Variants in NALF1 observed in about 807,000 individuals in gnomAD.
NALF1 encodes the protein NALCN channel auxiliary factor 1, also known as family with sequence similarity 155 member A.
In NALF1, 3 loss-of-function variants were observed where a neutral mutation model predicts 48.4. The observed-to-expected ratio is 0.06, with a 90% CI of 0.03 to 0.16. NALF1 has a LOEUF of 0.16. NALF1 is among the 10% of genes least tolerant of loss of function. The pLI, the probability that NALF1 is intolerant of heterozygous loss-of-function variation, is 1.00. For synonymous variants in NALF1, 262 were observed against 245.7 expected (o/e 1.07, Z -0.62); for missense variants, 526 against 571.5 (o/e 0.92, Z 0.81).
chr13:107,466,742 A>C (rs1190365373), intron 1 of NALF1: 4 of 152,252 alleles, frequency 2.6e-5, no homozygotes, highest in Non-Finnish European at 5.9e-5. Flanking sequence ...TTCTTGAAAT[A>C]AAAAGAAATT....
At chr13:107,570,664 G>C (rs1003316652) in intron 1 of NALF1, among the ~76,000 whole-genome samples, 1 of 151,268 alleles carries the variant, frequency 6.6e-6, no homozygotes, top group African/African-American at 2.4e-5. Context: ...GTGCCATGCT[G>C]GGGAACATAT....
At chr13:107,825,422 A>G (rs550333754) in intron 1 of NALF1, among the ~76,000 whole-genome samples, 16 of 152,338 alleles carry the variant, frequency 1.1e-4, no homozygotes, top group African/African-American at 3.8e-4. Context: ...ATGCTCATTC[A>G]CTTTTAAAGA....
At chr13:107,651,345 T>C (rs1005021191) in intron 1 of NALF1, among the ~76,000 whole-genome samples, 2 of 152,198 alleles carry the variant, frequency 1.3e-5, no homozygotes, top group South Asian at 4.1e-4. Context: ...CTTTTCTAAT[T>C]ACACAACGTC....
chr13:107,517,355 G>A (rs2139092844), intron 1 of NALF1, among the ~76,000 whole-genome samples: 1 of 152,252 alleles, frequency 6.6e-6, no homozygotes, highest in South Asian at 2.1e-4. Flanking sequence ...TTAAGGCCAG[G>A]CACAGTGGCT....
chr13:107,580,111 G>C (rs1300039674), intron 1 of NALF1, among the ~76,000 whole-genome samples: 1 of 151,990 alleles, frequency 6.6e-6, no homozygotes, highest in Non-Finnish European at 1.5e-5. Context: ...GGAATACTAT[G>C]CAGCCATAAA....
chr13:107,797,181 T>C (rs1878450978), intron 1 of NALF1, among the ~76,000 whole-genome samples: 1 of 152,040 alleles, frequency 6.6e-6, no homozygotes, highest in Non-Finnish European at 1.5e-5. Context: ...TACATTTCTA[T>C]TCCTCATCAC....
At chr13:107,455,938 G>A (rs1884817651) in intron 1 of NALF1, among the ~76,000 whole-genome samples, 1 of 151,820 alleles carries the variant, frequency 6.6e-6, no homozygotes, top group East Asian at 1.9e-4. Context: ...AGGTATTTTG[G>A]TTGTTTAATG....
chr13:107,498,583 G>T (rs184070130), intron 1 of NALF1, among the ~76,000 whole-genome samples: 5 of 152,234 alleles, frequency 3.3e-5, no homozygotes, highest in African/African-American at 1.2e-4. Flanking sequence ...GAAAATGGTG[G>T]AAAGAAGACA....
intron 1 of NALF1, among the ~76,000 whole-genome samples, chr13:107,546,039 A>G (rs1013686581): frequency 2.0e-5 from 3 of 151,868 alleles, no homozygotes; most frequent in Non-Finnish European, 4.4e-5. Context: ...ATTGGAGAAC[A>G]TTTTTTCAGC....
intron 1 of NALF1, among the ~76,000 whole-genome samples, chr13:107,241,051 TAA>T (rs34271681): frequency 1.7e-3 from 114 of 66,408 alleles, no homozygotes; most frequent in African/African-American, 6.0e-3. Flanking sequence ...CCATATCTAC[TAA>T]AAAAAAAAAA....
chr13:107,782,362 G>A (rs1877918246), intron 1 of NALF1, among the ~76,000 whole-genome samples: 1 of 152,158 alleles, frequency 6.6e-6, no homozygotes. Flanking sequence ...GTGCTCAATG[G>A]TGCCCAGGCT....
At chr13:107,488,839 T>C (rs1035502568) in intron 1 of NALF1, among the ~76,000 whole-genome samples, 2 of 152,288 alleles carry the variant, frequency 1.3e-5, no homozygotes, top group Admixed American at 1.3e-4. Context: ...AAATTATCCC[T>C]GTTTGCAGAT....
At chr13:107,290,198 A>AG (rs1555330705) in intron 1 of NALF1, among the ~76,000 whole-genome samples, 33 of 149,088 alleles carry the variant, frequency 2.2e-4, no homozygotes, top group Non-Finnish European at 3.7e-4. Flanking sequence ...AAAAAAAAAA[A>AG]CCAGAAATAC....
At chr13:107,574,124 T>C (rs1290907917) in intron 1 of NALF1, among the ~76,000 whole-genome samples, 1 of 152,210 alleles carries the variant, frequency 6.6e-6, no homozygotes, top group Admixed American at 6.5e-5. Context: ...CATAAAAATA[T>C]ATGACATGCC....
At chr13:107,790,751 A>C (rs1361959091) in intron 1 of NALF1, among the ~76,000 whole-genome samples, 3 of 152,208 alleles carry the variant, frequency 2.0e-5, no homozygotes, top group Admixed American at 6.5e-5. Flanking sequence ...GTACAGTATT[A>C]AATGGATTTG....
intron 1 of NALF1, among the ~76,000 whole-genome samples, chr13:107,511,147 G>C (rs1358897426): frequency 3.3e-5 from 5 of 152,164 alleles, no homozygotes; most frequent in African/African-American, 1.2e-4. Flanking sequence ...ACACCGGATG[G>C]AGGGCATCCA....
At chr13:107,573,336 T>A (rs1262713356) in intron 1 of NALF1, among the ~76,000 whole-genome samples, 5 of 151,316 alleles carry the variant, frequency 3.3e-5, no homozygotes, top group African/African-American at 1.2e-4. Flanking sequence ...TCCTTATAAT[T>A]CTTATGTTGC....
At chr13:107,535,729 T>C (rs536905481) in intron 1 of NALF1, among the ~76,000 whole-genome samples, 1 of 152,284 alleles carries the variant, frequency 6.6e-6, no homozygotes, top group South Asian at 2.1e-4. Flanking sequence ...AAAACTACTT[T>C]AAAGTTTATA....
intron 1 of NALF1, among the ~76,000 whole-genome samples, chr13:107,383,888 T>C (rs949541717): frequency 2.0e-5 from 3 of 152,354 alleles, no homozygotes; most frequent in African/African-American, 7.2e-5. Flanking sequence ...AGTCCATTTC[T>C]AATGCACATT....
Sources: allele counts gnomAD v4.1 joint callset (sites outside exome capture counted in the v4.1 genomes callset), GRCh38; gene constraint gnomAD v4.1.1; transcripts MANE v1.5; gene names NCBI Gene and HGNC (gene_info 2026-07-23, HGNC 2026-07-21).